The following STARD9 variants were observed in gnomAD, a reference collection of about 807,000 sequenced individuals.
The protein encoded by STARD9 is StAR related lipid transfer domain containing 9.
A neutral mutation model predicts 399.8 loss-of-function variants in STARD9; 346 were observed. The ratio of observed to expected loss-of-function variants is 0.87; its 90% CI spans 0.79 to 0.95. The LOEUF (loss-of-function observed/expected upper bound fraction) is 0.95. STARD9 is among the 40% of genes least tolerant of loss of function. The probability of loss-of-function intolerance (pLI) is 0.00; values close to 1 mark genes in which losing one functional copy is unlikely to be tolerated. For synonymous variants in STARD9, 2,203 were observed against 2,143.5 expected (o/e 1.03, Z -0.77); for missense variants, 5,832 against 5,667.5 (o/e 1.03, Z -0.93).
intron 13 of STARD9, 54 bp downstream of exon 13, chr15:42,663,971 A>T (rs949837457): frequency 2.5e-6 from 3 of 1,216,858 alleles, no homozygotes; most frequent in Admixed American, 2.0e-5. Context: ...AGCTTTCCTT[A>T]TTTTTTTTTC....
Position 42,693,335 on chromosome 15 carries a change from CCT to C in STARD9, c.11761_11762del (p.Ala3922ProfsTer7). The C allele has an allele frequency of 6.5e-7, 1 of 1,537,130 alleles. No individual in the cohort carries two copies. The highest frequency in any genetic ancestry group is 8.7e-7 in the Non-Finnish European group (1 of 1,146,908). ...EPGLSPGSLT[L>X]SAPSTHPVEG... ...CGGGTCTTTCCCCAGGCTCTTTGAC[CCT>C]CTCAGCCCCTTCAACTCACCCTGTT... On this transcript the variant is annotated frameshift_variant, in exon 23 of 33. Transcript: ENST00000290607. LOFTEE classifies it high-confidence loss of function.
rs983156177 is a variant in STARD9, at chr15:42,665,261, C to T, written c.1185C>T (p.Asn395=). Residue 395 remains asparagine (N), a synonymous_variant, in exon 14 of 33, where the codon AAC becomes AAT. Coordinates refer to ENST00000290607, the MANE Select transcript of STARD9 (RefSeq NM_020759.3). ...INKPRVNEDA[N]LKLIRELREE... Reference sequence around the variant, plus strand: ...AGTTCTCTGTGTTTCAGGATGCAAACTTAAAACTGATTAGAGAACTCAGAG... The same window carrying T: ...AGTTCTCTGTGTTTCAGGATGCAAATTTAAAACTGATTAGAGAACTCAGAG... 3 of 1,536,796 alleles carry T rather than the reference C, an allele frequency of 2.0e-6. No homozygotes were observed. In the African/African-American group the frequency reaches 4.1e-5, roughly 21 times the overall value.
At chr15:42,634,571 A>G (rs1010432829) in intron 3 of STARD9, among the ~76,000 whole-genome samples, 11 of 151,978 alleles carry the variant, frequency 7.2e-5, no homozygotes, top group African/African-American at 2.7e-4. Context: ...GCTCTTCTAC[A>G]CTCTCTTTGC....
chr15:42,687,205 A>G lies in STARD9; in HGVS notation c.5627A>G (p.Asn1876Ser). ...TTTGAAAACCAAGTTGTAATTTTAAATAAAAAACACAGTTTTCCAGCACTT... is the reference window on the plus strand; with the variant it reads ...TTTGAAAACCAAGTTGTAATTTTAAGTAAAAAACACAGTTTTCCAGCACTT... ...CEFENQVVIL[N>S]KKHSFPALEG... Residue 1876 changes from asparagine to serine, a missense_variant, in exon 23 of 33, where the codon AAT becomes AGT. Around this residue, in one of 2 missense-constraint regions of STARD9, gnomAD observed 5,828 missense variants for 5,651.1 expected, o/e 1.03. Coordinates refer to ENST00000290607, the MANE Select transcript of STARD9 (RefSeq NM_020759.3). The G allele has an allele frequency of 2.0e-6, 3 of 1,537,412 alleles. No homozygotes were observed. The highest frequency in any genetic ancestry group is 2.4e-5 in the South Asian group (2 of 84,066).
At position 42,688,572 on chromosome 15, in the gene STARD9, A is replaced by C. The variant is rs1434686316; in HGVS notation, c.6994A>C (p.Ser2332Arg). Residue 2332 changes from serine to arginine, a missense_variant, in exon 23 of 33, where the codon AGT (serine) becomes CGT (arginine). Ser to Arg is a moderately radical substitution (Grantham distance 110). Around this residue, in one of 2 missense-constraint regions of STARD9, gnomAD observed 5,828 missense variants for 5,651.1 expected, o/e 1.03. Coordinates refer to ENST00000290607, the MANE Select transcript of STARD9 (RefSeq NM_020759.3). ...FCTAPLHQDLSNTLPLNSPRW... is the reference protein window; with the variant it reads ...FCTAPLHQDLRNTLPLNSPRW... ...TACAGCTCCTCTTCACCAAGACCTG[A>C]GTAATACCTTGCCCTTGAATTCTCC... is the stretch of plus-strand genomic sequence containing the variant. 1 of 1,537,700 alleles carries C rather than the reference A, an allele frequency of 6.5e-7. No individual in the cohort carries two copies. Among genetic ancestry groups the C allele is most frequent in the Admixed American group, 2.0e-5 (1 of 51,006 alleles).
rs116760018 is a variant in STARD9, at chr15:42,595,470, T to G, written c.234+9833T>G. 6.8e-3 allele frequency among the ~76,000 whole-genome samples: 1,039 copies of G among 152,324 alleles called. 11 individuals are homozygous for G. The highest frequency in any genetic ancestry group is 0.024 in the African/African-American group (998 of 41,568). ...CATTATCAATCAATGGCTATTAGATTAATTATTCAATTAAAGGTTCAATGT... is the reference window on the plus strand; with the variant it reads ...CATTATCAATCAATGGCTATTAGATGAATTATTCAATTAAAGGTTCAATGT... On this transcript the variant is annotated intron_variant, in intron 3 of 32. Transcript: ENST00000290607.
At chr15:42,677,144 G>T (rs919796660) in intron 20 of STARD9, among the ~76,000 whole-genome samples, 1 of 142,300 alleles carries the variant, frequency 7.0e-6, no homozygotes. Context: ...CATGCCTGTA[G>T]TCCTAGCCAC....
At chr15:42,644,730 T>A (rs1419905476) in intron 7 of STARD9, among the ~76,000 whole-genome samples, 1 of 152,120 alleles carries the variant, frequency 6.6e-6, no homozygotes, top group East Asian at 1.9e-4. Context: ...CATGAAAAAT[T>A]TTTCTGTAGT....
At chr15:42,704,168 C>T (rs1202971536) in intron 26 of STARD9, among the ~76,000 whole-genome samples, 1 of 152,192 alleles carries the variant, frequency 6.6e-6, no homozygotes, top group Non-Finnish European at 1.5e-5. Flanking sequence ...GCCTCGGCCT[C>T]CCAAAGTGCT....
chr15:42,691,318 C>A lies in STARD9; in HGVS notation c.9740C>A (p.Ala3247Asp). Reference sequence around the variant, plus strand: ...TTAGATGGCTGTCAGATTTTAGATGCTGGGAGAGAGGAGGTGGCTGTGGCC... The same window carrying A: ...TTAGATGGCTGTCAGATTTTAGATGATGGGAGAGAGGAGGTGGCTGTGGCC... ...DGLDGCQILD[A>D]GREEVAVAKP... Residue 3247 changes from alanine (A) to aspartate (D), a missense_variant, in exon 23 of 33, where the codon GCT becomes GAT. Coordinates refer to ENST00000290607, the MANE Select transcript of STARD9 (RefSeq NM_020759.3). 1 of 1,537,208 alleles carries A rather than the reference C, an allele frequency of 6.5e-7. No homozygotes were observed.
In STARD9 at chr15:42,694,099, A is replaced by G; in HGVS notation, c.12521A>G (p.Gln4174Arg). 12 of 1,537,094 alleles carry G rather than the reference A, an allele frequency of 7.8e-6. No homozygotes were observed. Among genetic ancestry groups the G allele is most frequent in the Non-Finnish European group, 1.0e-5 (12 of 1,146,868 alleles). The change falls in exon 23 of 33, where the codon CAG becomes CGG. Residue 4174 changes from glutamine (Q) to arginine (R), a missense_variant. By Grantham distance (43) the Gln-to-Arg change is conservative (BLOSUM62 1). Coordinates refer to ENST00000290607, the MANE Select transcript of STARD9 (RefSeq NM_020759.3). The part of the protein sequence containing the change: ...GASGDLSSEK[Q>R]EQSPPQPPND... The stretch of plus-strand genomic sequence containing the variant: ...AGCGGTGATCTCAGCTCTGAAAAGC[A>G]GGAACAGAGTCCCCCACAACCTCCT...
At chr15:42,627,683 T>C (rs2059253564) in intron 3 of STARD9, among the ~76,000 whole-genome samples, 1 of 152,170 alleles carries the variant, frequency 6.6e-6, no homozygotes, top group African/African-American at 2.4e-5. Context: ...TCCCACAAGT[T>C]TGTCTTTCTG....
At chr15:42,646,914 A>G (rs1465457516) in intron 7 of STARD9, among the ~76,000 whole-genome samples, 1 of 152,192 alleles carries the variant, frequency 6.6e-6, no homozygotes, top group African/African-American at 2.4e-5. Flanking sequence ...CCTCATTTCA[A>G]TATTGTTGTG....
In STARD9 at chr15:42,719,629, G is replaced by C. The variant is rs767918938; in HGVS notation, c.*55G>C. 1 of 1,160,110 alleles carries C rather than the reference G, an allele frequency of 8.6e-7. No homozygotes were observed. The highest frequency in any genetic ancestry group is 1.3e-5 in the South Asian group (1 of 74,676). 71.9% of individuals were successfully genotyped at this position (1,160,110 alleles called of 1,614,324 possible). The stretch of plus-strand genomic sequence containing the variant: ...ATGCAGGCCCAGGCTGCTCAAGAGA[G>C]ACACTGTGGCAGCTCCTTGTTACTT... On this transcript the variant is annotated 3_prime_UTR_variant, in exon 33 of 33. Transcript: ENST00000290607.
chr15:42,629,523 G>A (rs1291147145), intron 3 of STARD9, among the ~76,000 whole-genome samples: 2 of 152,130 alleles, frequency 1.3e-5, no homozygotes, highest in African/African-American at 4.8e-5. Context: ...CAGGTTTTTG[G>A]TGGAGTCTTT....
intron 5 of STARD9, 25 bp downstream of exon 5, chr15:42,637,964 C>G: frequency 6.5e-7 from 1 of 1,537,204 alleles, no homozygotes; most frequent in Non-Finnish European, 8.7e-7. Context: ...TTGGCTGGAT[C>G]CTCTCAAAGT....
chr15:42,576,167 C>T (rs1373011366), intron 1 of STARD9, among the ~76,000 whole-genome samples: 3 of 152,060 alleles, frequency 2.0e-5, no homozygotes, highest in Non-Finnish European at 2.9e-5. Flanking sequence ...TTTCTGGGTG[C>T]GCGTGGGCTT....
Position 42,690,554 on chromosome 15 carries a change from T to C in STARD9, c.8976T>C (p.His2992=), listed in dbSNP as rs2060667206. The change falls in exon 23 of 33, where the codon CAT becomes CAC. Residue 2992 remains histidine, a synonymous_variant. Coordinates refer to ENST00000290607, the MANE Select transcript of STARD9 (RefSeq NM_020759.3). ...LGKEPFKAAP[H]TIHPPCVVPS... ...AGGAGCCTTTCAAGGCTGCCCCACA[T>C]ACTATCCACCCACCCTGTGTAGTAC... 6.5e-7 allele frequency: 1 copy of C among 1,537,146 alleles called. No homozygotes were observed. Among genetic ancestry groups the C allele is most frequent in the Non-Finnish European group, 8.7e-7 (1 of 1,146,874 alleles).
chr15:42,603,127 A>C (rs1228734836), intron 3 of STARD9, among the ~76,000 whole-genome samples: 1 of 152,156 alleles, frequency 6.6e-6, no homozygotes, highest in South Asian at 2.1e-4. Context: ...TGTGATTTAC[A>C]TATATTTACA....
Sources: allele counts gnomAD v4.1 joint callset (sites outside exome capture counted in the v4.1 genomes callset), GRCh38; gene constraint gnomAD v4.1.1; regional missense constraint gnomAD v4.1.1; transcripts MANE v1.5; gene names NCBI Gene and HGNC (gene_info 2026-07-23, HGNC 2026-07-21).